The following NSMCE2 variants were observed in gnomAD, a reference collection of about 807,000 sequenced individuals.
The protein encoded by NSMCE2 is E3 SUMO-protein ligase NSE2.
A neutral mutation model predicts 23.8 loss-of-function variants in NSMCE2; 24 were observed. The observed-to-expected ratio is 1.01, with a 90% CI of 0.73 to 1.42. The LOEUF (loss-of-function observed/expected upper bound fraction) is 1.42, where lower values mean the gene tolerates loss of function less well. Ranked by LOEUF, NSMCE2 falls within the 40% of genes most tolerant of loss-of-function variation. NSMCE2 has a pLI of 0.00. For synonymous variants in NSMCE2, 92 were observed against 94.1 expected (o/e 0.98, Z 0.13); for missense variants, 284 against 296.5 (o/e 0.96, Z 0.31).
chr8:125,263,685 G>A (rs1339528757), intron 5 of NSMCE2, among the ~76,000 whole-genome samples: 1 of 151,926 alleles, frequency 6.6e-6, no homozygotes, highest in African/African-American at 2.4e-5. Context: ...GGGAGGCAGA[G>A]GTTGCAGTGA....
At chr8:125,359,592 C>T (rs894159544) in intron 7 of NSMCE2, among the ~76,000 whole-genome samples, 6 of 152,116 alleles carry the variant, frequency 3.9e-5, no homozygotes, top group Non-Finnish European at 5.9e-5. Flanking sequence ...TTCGGCCTCC[C>T]AAAGTGTTGG....
intron 5 of NSMCE2, among the ~76,000 whole-genome samples, chr8:125,291,362 A>G (rs137996655): frequency 6.6e-6 from 1 of 152,362 alleles, no homozygotes; most frequent in Admixed American, 6.5e-5. Context: ...ATTTTAATAA[A>G]TTTAATTAAT....
At chr8:125,281,396 A>G (rs745313180) in intron 5 of NSMCE2, among the ~76,000 whole-genome samples, 1 of 152,336 alleles carries the variant, frequency 6.6e-6, no homozygotes, top group African/African-American at 2.4e-5. Context: ...ATTTCAACAC[A>G]TTATACAGCA....
intron 5 of NSMCE2, among the ~76,000 whole-genome samples, chr8:125,290,920 G>C (rs865993368): frequency 1.3e-5 from 2 of 152,076 alleles, no homozygotes; most frequent in Non-Finnish European, 2.9e-5. Context: ...ATGAGGTCAG[G>C]CACCATAATT....
At chr8:125,120,771 A>G (rs950192607) in intron 3 of NSMCE2, among the ~76,000 whole-genome samples, 1 of 152,210 alleles carries the variant, frequency 6.6e-6, no homozygotes, top group African/African-American at 2.4e-5. Context: ...AACTTGAGGC[A>G]TTTGGGGCAA....
intron 5 of NSMCE2, among the ~76,000 whole-genome samples, chr8:125,284,424 A>G (rs1827817392): frequency 6.6e-6 from 1 of 152,030 alleles, no homozygotes; most frequent in Non-Finnish European, 1.5e-5. Context: ...AGACTGACCA[A>G]CCCATTGGTC....
chr8:125,199,057 C>A (rs1006153671), intron 5 of NSMCE2, among the ~76,000 whole-genome samples: 2 of 151,968 alleles, frequency 1.3e-5, no homozygotes, highest in South Asian at 4.2e-4. Context: ...TTTTTTATTG[C>A]GTCTGTATGA....
intron 5 of NSMCE2, among the ~76,000 whole-genome samples, chr8:125,270,367 A>G (rs1050951420): frequency 2.6e-5 from 4 of 152,174 alleles, no homozygotes; most frequent in African/African-American, 9.7e-5. Flanking sequence ...CGGGAGGCTA[A>G]GACATGAGAA....
intron 5 of NSMCE2, among the ~76,000 whole-genome samples, chr8:125,260,191 T>C (rs1244436806): frequency 1.3e-5 from 2 of 152,112 alleles, no homozygotes; most frequent in African/African-American, 4.8e-5. Context: ...GGAGGACATA[T>C]CTCTGATGAG....
At chr8:125,301,190 C>G (rs1586739058) in intron 5 of NSMCE2, among the ~76,000 whole-genome samples, 1 of 152,168 alleles carries the variant, frequency 6.6e-6, no homozygotes, top group South Asian at 2.1e-4. Flanking sequence ...TGCTAGAACC[C>G]CAGCAGCACA....
chr8:125,360,305 G>A (rs1813476855), intron 7 of NSMCE2, among the ~76,000 whole-genome samples: 1 of 152,172 alleles, frequency 6.6e-6, no homozygotes, highest in Admixed American at 6.5e-5. Context: ...TATCGATGTG[G>A]ATTGGGAGGT....
At chr8:125,183,051 T>C (rs1822904078) in intron 5 of NSMCE2, among the ~76,000 whole-genome samples, 1 of 152,196 alleles carries the variant, frequency 6.6e-6, no homozygotes, top group East Asian at 1.9e-4. Flanking sequence ...TTGTATTTCT[T>C]AAAGAAGTGA....
intron 1 of NSMCE2, among the ~76,000 whole-genome samples, chr8:125,096,180 G>A (rs2130312583): frequency 6.6e-6 from 1 of 152,336 alleles, no homozygotes; most frequent in South Asian, 2.1e-4. Context: ...GGGAAAATGT[G>A]GCTTTTTGCA....
At chr8:125,170,656 G>A in intron 4 of NSMCE2, among the ~76,000 whole-genome samples, 1 of 151,830 alleles carries the variant, frequency 6.6e-6, no homozygotes, top group South Asian at 2.1e-4. Flanking sequence ...GATCCACCCG[G>A]CTTGGCCTCC....
At chr8:125,282,254 CA>C (rs1827725476) in intron 5 of NSMCE2, among the ~76,000 whole-genome samples, 1 of 152,036 alleles carries the variant, frequency 6.6e-6, no homozygotes. Context: ...GCTGGGATTA[CA>C]GGCGCATGCC....
chr8:125,286,842 A>G (rs977159389), intron 5 of NSMCE2, among the ~76,000 whole-genome samples: 3 of 151,496 alleles, frequency 2.0e-5, no homozygotes, highest in South Asian at 2.1e-4. Flanking sequence ...ACTTCAACTC[A>G]GCTCTGGTTC....
At chr8:125,122,896 A>G (rs555701767) in intron 3 of NSMCE2, among the ~76,000 whole-genome samples, 17 of 152,040 alleles carry the variant, frequency 1.1e-4, no homozygotes, top group Non-Finnish European at 2.1e-4. Context: ...GCACTACTCA[A>G]CTCTGCCATT....
chr8:125,223,759 C>T (rs576219322), intron 5 of NSMCE2, among the ~76,000 whole-genome samples: 1 of 150,836 alleles, frequency 6.6e-6, no homozygotes, highest in South Asian at 2.1e-4. Context: ...TATTTCTTGG[C>T]CACTTATGTG....
chr8:125,296,010 A>G (rs546375892), intron 5 of NSMCE2, among the ~76,000 whole-genome samples: 80 of 152,336 alleles, frequency 5.3e-4, no homozygotes, highest in Middle Eastern at 3.4e-3. Flanking sequence ...AGTAGGAATT[A>G]CAGCTTACAG....
Sources: allele counts gnomAD v4.1 joint callset (sites outside exome capture counted in the v4.1 genomes callset), GRCh38; gene constraint gnomAD v4.1.1; transcripts MANE v1.5; gene names NCBI Gene and HGNC (gene_info 2026-07-23, HGNC 2026-07-21).